RIMBP2: variants seen among roughly 807,000 people sequenced by gnomAD.
The protein encoded by RIMBP2 is RIMS-binding protein 2.
In RIMBP2, 48 loss-of-function variants were observed where a neutral mutation model predicts 118.6. That is an observed-to-expected ratio of 0.40 (90% confidence interval 0.32 to 0.51). RIMBP2 has a LOEUF of 0.51. Ranked by LOEUF, RIMBP2 falls within the 20% of genes least tolerant of loss-of-function variation. The pLI, the probability that RIMBP2 is intolerant of heterozygous loss-of-function variation, is 0.41. For missense variants in RIMBP2, 1,551 were observed against 1,768.3 expected (o/e 0.88, Z 2.20); for synonymous variants, 762 against 742.9 (o/e 1.03, Z -0.42).
At position 130,581,840 on chromosome 12, in the gene RIMBP2, C is replaced by T. The variant is rs1261045212; in HGVS notation, c.-217+46482G>A. 6.6e-6 allele frequency among the ~76,000 whole-genome samples: 1 copy of T among 152,194 alleles called. No individual in the cohort carries two copies. Among genetic ancestry groups the T allele is most frequent in the East Asian group, 1.9e-4 (1 of 5,194 alleles). On this transcript the variant is annotated intron_variant, in intron 2 of 22. Coordinates refer to ENST00000690449, the MANE Select transcript of RIMBP2 (RefSeq NM_001393629.1). This position sits in a 1 kb window ranked among gnomAD's most constrained non-coding sequence, Gnocchi z 4.4. The stretch of plus-strand genomic sequence containing the variant: ...AGTCACAACACCAAAAAATAAGCCA[C>T]ACACTATTATTTTGCATATCACCTT...
rs554259228 is a variant in RIMBP2, at chr12:130,698,890, A to G, written c.-352+17332T>C. ...AACTCAAACAAATTTACAAGAAAAA[A>G]ACAAACAACCCCATCAAAAAGTGGG... is the stretch of plus-strand genomic sequence containing the variant. On this transcript the variant is annotated intron_variant, in intron 1 of 22. Transcript: ENST00000690449. Among the ~76,000 whole-genome samples the G allele has an allele frequency of 1.0e-3, 154 of 152,326 alleles. 2 individuals are homozygous for G. Among genetic ancestry groups the G allele is most frequent in the African/African-American group, 3.6e-3 (150 of 41,560 alleles).
chr12:130,570,794 G>T (rs1457623898), intron 2 of RIMBP2, among the ~76,000 whole-genome samples: 1 of 152,218 alleles, frequency 6.6e-6, no homozygotes, highest in Non-Finnish European at 1.5e-5. Flanking sequence ...GCACTTTCAT[G>T]AACATGATGA....
At chr12:130,566,688 C>T (rs967469410) in intron 2 of RIMBP2, among the ~76,000 whole-genome samples, 2 of 152,250 alleles carry the variant, frequency 1.3e-5, no homozygotes, top group Admixed American at 1.3e-4. Context: ...AGCTTGACTG[C>T]ACATCTCGTG....
At chr12:130,524,528 T>G (rs1000231028) in intron 2 of RIMBP2, among the ~76,000 whole-genome samples, 6 of 152,208 alleles carry the variant, frequency 3.9e-5, no homozygotes. Context: ...GTAGCAGACG[T>G]GAAGAGGCAA....
At chr12:130,708,648 T>C (rs1238926513) in intron 1 of RIMBP2, among the ~76,000 whole-genome samples, 1 of 152,176 alleles carries the variant, frequency 6.6e-6, no homozygotes, top group African/African-American at 2.4e-5. Flanking sequence ...ATTATGCCAC[T>C]GCACTCCAGC....
At chr12:130,657,015 C>A (rs1036897804) in intron 1 of RIMBP2, among the ~76,000 whole-genome samples, 1 of 152,264 alleles carries the variant, frequency 6.6e-6, no homozygotes, top group African/African-American at 2.4e-5. Context: ...CTGCCTCAGT[C>A]TCCTACAGAC....
chr12:130,464,121 A>G (rs1415958779), intron 6 of RIMBP2, among the ~76,000 whole-genome samples: 3 of 151,968 alleles, frequency 2.0e-5, no homozygotes, highest in Non-Finnish European at 4.4e-5. Context: ...CCTTTTCAGC[A>G]TATAATCAAG....
At chr12:130,539,323 G>A (rs760835084) in intron 2 of RIMBP2, among the ~76,000 whole-genome samples, 1 of 152,192 alleles carries the variant, frequency 6.6e-6, no homozygotes, top group Non-Finnish European at 1.5e-5. Flanking sequence ...CAGTGTCAGT[G>A]AATGGGATGT....
At chr12:130,580,813 A>G (rs2058423365) in intron 2 of RIMBP2, among the ~76,000 whole-genome samples, 1 of 151,700 alleles carries the variant, frequency 6.6e-6, no homozygotes, top group East Asian at 1.9e-4. Flanking sequence ...GGTGGTGGGC[A>G]CCTGTAATCC....
chr12:130,657,667 G>C (rs927186348), intron 1 of RIMBP2, among the ~76,000 whole-genome samples: 16 of 101,740 alleles, frequency 1.6e-4, no homozygotes, highest in Admixed American at 1.0e-3. Context: ...CAGCTGCGGG[G>C]GGCAGTGAGG....
At chr12:130,467,270 C>A (rs1192702198) in intron 6 of RIMBP2, among the ~76,000 whole-genome samples, 4 of 152,266 alleles carry the variant, frequency 2.6e-5, no homozygotes, top group African/African-American at 7.2e-5. Context: ...AGCCATGCAG[C>A]TAGAGGCTGA....
At chr12:130,529,552 A>C (rs540714839) in intron 2 of RIMBP2, among the ~76,000 whole-genome samples, 3 of 152,344 alleles carry the variant, frequency 2.0e-5, no homozygotes, top group Non-Finnish European at 2.9e-5. Flanking sequence ...GGTGATGGCC[A>C]CACAATGTTG....
In RIMBP2 at chr12:130,397,368, A is replaced by G; in HGVS notation, c.4082T>C (p.Val1361Ala). The change falls in exon 23 of 23, where the codon GTG becomes GCG. Residue 1361 changes from valine (V) to alanine (A), a missense_variant. Transcript: ENST00000690449. ...TGTCCGGAAGCACATGAATCATTTC[A>G]CTGCACCCAGCTTTTTCAGCAGTTT... Reference protein sequence around the residue: ...GKKLLKKLGAVK With the variant: ...GKKLLKKLGAAK 1 of 399,052 alleles carries G rather than the reference A, an allele frequency of 2.5e-6. No individual in the cohort carries two copies. Among genetic ancestry groups the G allele is most frequent in the Non-Finnish European group, 4.4e-6 (1 of 226,064 alleles). 24.7% of individuals were successfully genotyped at this position (399,052 alleles called of 1,614,324 possible).
At chr12:130,494,716 C>T (rs558042656) in intron 4 of RIMBP2, among the ~76,000 whole-genome samples, 3 of 152,222 alleles carry the variant, frequency 2.0e-5, no homozygotes, top group East Asian at 1.9e-4. Context: ...CAGGACCCTG[C>T]ACTCCAGCCC....
chr12:130,626,377 C>T (rs1219817447), intron 2 of RIMBP2, among the ~76,000 whole-genome samples: 2 of 147,008 alleles, frequency 1.4e-5, no homozygotes, highest in South Asian at 2.1e-4. Flanking sequence ...GGCATCACCA[C>T]CATCTTCTCC....
intron 1 of RIMBP2, among the ~76,000 whole-genome samples, chr12:130,635,072 G>A (rs1180599435): frequency 2.0e-5 from 3 of 152,224 alleles, no homozygotes; most frequent in Non-Finnish European, 4.4e-5. Flanking sequence ...GGACCAGGCA[G>A]GATGGAGCCC....
chr12:130,488,393 A>T (rs781154408), intron 4 of RIMBP2, among the ~76,000 whole-genome samples: 2 of 151,862 alleles, frequency 1.3e-5, no homozygotes, highest in African/African-American at 4.8e-5. Flanking sequence ...TGTTAGGTGG[A>T]TGGTAGGGGA....
intron 6 of RIMBP2, among the ~76,000 whole-genome samples, chr12:130,459,885 G>C (rs906172829): frequency 6.6e-6 from 1 of 152,204 alleles, no homozygotes; most frequent in Non-Finnish European, 1.5e-5. Context: ...TCCTATGGGG[G>C]CCATAGTGGC....
chr12:130,698,957 G>C (rs2065705214), intron 1 of RIMBP2, among the ~76,000 whole-genome samples: 1 of 152,106 alleles, frequency 6.6e-6, no homozygotes, highest in African/African-American at 2.4e-5. Flanking sequence ...AGACATTTAT[G>C]CAGCCAAAAA....
Sources: allele counts gnomAD v4.1 joint callset (sites outside exome capture counted in the v4.1 genomes callset), GRCh38; gene constraint gnomAD v4.1.1; non-coding constraint Gnocchi (gnomAD v3.1); transcripts MANE v1.5; gene names NCBI Gene and HGNC (gene_info 2026-07-23, HGNC 2026-07-21).